The following TRIM72 variants were observed in gnomAD, a reference collection of about 807,000 sequenced individuals.
TRIM72 encodes tripartite motif-containing protein 72.
TRIM72 carries 33 observed loss-of-function variants against 31.6 expected under a neutral mutation model. The observed-to-expected ratio is 1.04, with a 90% CI of 0.79 to 1.40. The LOEUF is 1.40. TRIM72 is among the 40% of genes most tolerant of loss of function. The pLI is 0.00. For synonymous variants in TRIM72, 301 were observed against 314.4 expected, an observed-to-expected ratio of 0.96 and a Z score of 0.45; for missense variants, 666 against 682.7, an observed-to-expected ratio of 0.98 and a Z score of 0.27.
At position 31,224,363 on chromosome 16, in the gene TRIM72, G is replaced by C; in HGVS notation, c.1042G>C (p.Glu348Gln). The C allele has an allele frequency of 6.6e-7, 1 of 1,525,538 alleles. No homozygotes were observed. Among genetic ancestry groups the C allele is most frequent in the African/African-American group, 1.4e-5 (1 of 69,736 alleles). 94.5% of individuals were successfully genotyped at this position (1,525,538 alleles called of 1,614,324 possible). A position where few individuals can be genotyped will look rare whatever the true frequency, so the allele number is the denominator to read the frequency against. Reference sequence around the variant, plus strand: ...GCTCTCCGAGGGCGAGCACTACTGGGAGGTGGATGTTGGCGACAAGCCGCG... The same window carrying C: ...GCTCTCCGAGGGCGAGCACTACTGGCAGGTGGATGTTGGCGACAAGCCGCG... ...QQLSEGEHYW[E>Q]VDVGDKPRWA... The change falls in exon 7 of 7, where the codon GAG (glutamate) becomes CAG (glutamine). Residue 348 changes from glutamate to glutamine, a missense_variant. Glu to Gln is a conservative substitution (Grantham distance 29). Coordinates refer to ENST00000322122, the MANE Select transcript of TRIM72 (RefSeq NM_001008274.4).
intron 5 of TRIM72, 98 bp downstream of exon 5, chr16:31,221,016 C>T (rs1457505304): frequency 2.9e-5 from 43 of 1,467,486 alleles, no homozygotes; most frequent in African/African-American, 8.4e-5. Context: ...CCTGCACACC[C>T]GCAATTCAGT....
chr16:31,219,035 G>T lies in TRIM72; in HGVS notation c.391-60G>T. Reference sequence around the variant, plus strand: ...GAGCCACAGAGGGCAGGTTTAGGATGGGAGGTGTGGGTTTTGGGTGGGTGG... The same window carrying T: ...GAGCCACAGAGGGCAGGTTTAGGATTGGAGGTGTGGGTTTTGGGTGGGTGG... On this transcript the variant is annotated intron_variant, in intron 2 of 6. Coordinates refer to ENST00000322122, the MANE Select transcript of TRIM72 (RefSeq NM_001008274.4). This position sits in a 1 kb window ranked among gnomAD's most constrained non-coding sequence, Gnocchi z 4.2. The T allele has an allele frequency of 6.8e-7, 1 of 1,476,350 alleles. No individual in the cohort carries two copies. The highest frequency in any genetic ancestry group is 9.2e-7 in the Non-Finnish European group (1 of 1,085,926). 91.5% of individuals were successfully genotyped at this position (1,476,350 alleles called of 1,614,324 possible).
chr16:31,217,860 G>A (rs982130697), intron 2 of TRIM72, among the ~76,000 whole-genome samples: 4 of 152,122 alleles, frequency 2.6e-5, no homozygotes, highest in East Asian at 3.9e-4. Context: ...TGATCCACCC[G>A]CCCTGGCCTC....
chr16:31,224,231 G>A lies in TRIM72; in HGVS notation c.910G>A (p.Val304Met). The A allele has an allele frequency of 1.2e-6, 2 of 1,604,966 alleles. No individual in the cohort carries two copies. The highest frequency in any genetic ancestry group is 1.1e-5 in the South Asian group (1 of 91,070). ...DPSSAHPSLV[V>M]SSSGRRVECS... is the part of the protein sequence containing the mutation. ...GAGCTCTGCGCACCCGAGCCTGGTG[G>A]TGTCTTCCTCTGGCCGCCGCGTGGA... Residue 304 changes from valine to methionine, a missense_variant, in exon 7 of 7, where the codon GTG becomes ATG. Coordinates refer to ENST00000322122, the MANE Select transcript of TRIM72 (RefSeq NM_001008274.4).
In TRIM72 at chr16:31,226,684, C is replaced by T. The variant is rs1230649818; in HGVS notation, c.*1929C>T. 6.6e-6 allele frequency: 1 copy of T among 152,384 alleles called. No individual in the cohort carries two copies. The highest frequency in any genetic ancestry group is 1.5e-5 in the Non-Finnish European group (1 of 68,192). 9.4% of individuals were successfully genotyped at this position (152,384 alleles called of 1,614,324 possible). ...TCCCCACTTACTTGCTGGTTCACAC[C>T]TTCTTTGGTTTTAGCGCACAGGGCA... On this transcript the variant is annotated 3_prime_UTR_variant, in exon 7 of 7. Transcript: ENST00000322122.
rs2079510112 is a variant in TRIM72, at chr16:31,216,651, G to C, written c.390+1523G>C. ...AGGTCTGAGGGAGGACCCCAGGAGGGACCCTGAAGGAGGGGAACAGGAAGG... is the reference window on the plus strand; with the variant it reads ...AGGTCTGAGGGAGGACCCCAGGAGGCACCCTGAAGGAGGGGAACAGGAAGG... On this transcript the variant is annotated intron_variant, in intron 2 of 6. Coordinates refer to ENST00000322122, the MANE Select transcript of TRIM72 (RefSeq NM_001008274.4). The surrounding 1 kb of genome is among the most constrained non-coding windows in gnomAD (Gnocchi z 6.7). 2 of 1,351,970 alleles carry C rather than the reference G, an allele frequency of 1.5e-6. No individual in the cohort carries two copies. Among genetic ancestry groups the C allele is most frequent in the Non-Finnish European group, 2.0e-6 (2 of 990,476 alleles). 83.7% of individuals were successfully genotyped at this position (1,351,970 alleles called of 1,614,324 possible).
rs766735832 is a variant in TRIM72 at position 31,219,517 on chromosome 16, A to G, written c.715A>G (p.Met239Val). The G allele has an allele frequency of 3.1e-6, 5 of 1,611,268 alleles. No homozygotes were observed. The Admixed American group carries it at 8.5e-5, about 27-fold the overall frequency. ...VADKPQTEFL[M>V]KYCLVTSRLQ... Reference sequence around the variant, plus strand: ...GGACAAGCCGCAGACTGAGTTCCTCATGGTGAGCACTGGGTGACCCCCCTC... The same window carrying G: ...GGACAAGCCGCAGACTGAGTTCCTCGTGGTGAGCACTGGGTGACCCCCCTC... Residue 239 changes from methionine (M) to valine (V), a missense_variant and splice_region_variant, in exon 4 of 7, where the codon ATG (methionine) becomes GTG (valine). Met to Val is a conservative substitution (Grantham distance 21). Coordinates refer to ENST00000322122, the MANE Select transcript of TRIM72 (RefSeq NM_001008274.4). The surrounding 1 kb of genome is among the most constrained non-coding windows in gnomAD (Gnocchi z 4.2).
rs763017470 is a variant in TRIM72, at chr16:31,228,017, T to C, written c.*3262T>C. The C allele has an allele frequency of 1.3e-5, 2 of 151,702 alleles. No homozygotes were observed. Among genetic ancestry groups the C allele is most frequent in the African/African-American group, 2.4e-5 (1 of 41,192 alleles). 9.4% of individuals were successfully genotyped at this position (151,702 alleles called of 1,614,324 possible). ...CAGGTTAGAGTGCAGTGGTGTGATC[T>C]TGGCTCACTGCAACCTCTGCCTCCC... On this transcript the variant is annotated 3_prime_UTR_variant, in exon 7 of 7. Transcript: ENST00000322122.
chr16:31,215,057 G>A lies in TRIM72; in HGVS notation c.319G>A (p.Val107Met), dbSNP rs1252788789. The A allele has an allele frequency of 6.7e-7, 1 of 1,486,770 alleles. No homozygotes were observed. The highest frequency in any genetic ancestry group is 2.3e-5 in the Admixed American group (1 of 43,600). 92.1% of individuals were successfully genotyped at this position (1,486,770 alleles called of 1,614,324 possible). Reference sequence around the variant, plus strand: ...GCAGGACCGCGCGCTGGTGTGCGGAGTGTGCGCCTCACTCGGCTCGCACCG... The same window carrying A: ...GCAGGACCGCGCGCTGGTGTGCGGAATGTGCGCCTCACTCGGCTCGCACCG... ...CEQDRALVCG[V>M]CASLGSHRGH... The change falls in exon 2 of 7, where the codon GTG (valine) becomes ATG (methionine). Residue 107 changes from valine (V) to methionine (M), a missense_variant. Transcript: ENST00000322122. This position sits in a 1 kb window ranked among gnomAD's most constrained non-coding sequence, Gnocchi z 6.3.
At position 31,219,279 on chromosome 16, in the gene TRIM72, A is replaced by G; in HGVS notation, c.487-10A>G. 6.2e-7 allele frequency: 1 copy of G among 1,614,138 alleles called. No individual in the cohort carries two copies. The highest frequency in any genetic ancestry group is 1.1e-5 in the South Asian group (1 of 91,086). The stretch of plus-strand genomic sequence containing the variant: ...TCTTTATCCCTTCAATCACTGCCCC[A>G]TCCCTGCAGGAGACAGTGCGTCAGT... On this transcript the variant is annotated splice_polypyrimidine_tract_variant and intron_variant, in intron 3 of 6. Coordinates refer to ENST00000322122, the MANE Select transcript of TRIM72 (RefSeq NM_001008274.4). This position sits in a 1 kb window ranked among gnomAD's most constrained non-coding sequence, Gnocchi z 4.2.
At chr16:31,223,019 C>A in intron 6 of TRIM72, 74 bp downstream of exon 6, 2 of 1,155,758 alleles carry the variant, frequency 1.7e-6, no homozygotes, top group South Asian at 2.8e-5. Flanking sequence ...CCTGGAGAGG[C>A]CTCCCAGTCC....
In TRIM72 at chr16:31,227,640, T is replaced by C. The variant is rs2079558745; in HGVS notation, c.*2885T>C. 1 of 152,016 alleles carries C rather than the reference T, an allele frequency of 6.6e-6. No homozygotes were observed. Among genetic ancestry groups the C allele is most frequent in the African/African-American group, 2.4e-5 (1 of 41,364 alleles). The allele number at this position is 152,016 out of a possible 1,614,324, so 9.4% of individuals were successfully genotyped here. A position where few individuals can be genotyped will look rare whatever the true frequency, so the allele number is the denominator to read the frequency against. ...TCTGTTTTTAGTTAAAAAACAATTT[T>C]TTTTTTTGAGACAAGGTCTTGCTCT... On this transcript the variant is annotated 3_prime_UTR_variant, in exon 7 of 7. Coordinates refer to ENST00000322122, the MANE Select transcript of TRIM72 (RefSeq NM_001008274.4).
Position 31,221,802 on chromosome 16 carries a change from G to A in TRIM72, c.740+884G>A, listed in dbSNP as rs540598398. Among the ~76,000 whole-genome samples the A allele has an allele frequency of 8.7e-5, 12 of 138,020 alleles. No homozygotes were observed. The South Asian group carries it at 1.2e-3, about 14-fold the overall frequency. The allele number at this position is 138,020 out of a possible 152,430, so 90.5% of individuals were successfully genotyped here. Reference sequence around the variant, plus strand: ...GGCATTGCTGGGAGAAGGGCATTGCGGGGAGAAGGGTATTGCTGGGAGAAG... The same window carrying A: ...GGCATTGCTGGGAGAAGGGCATTGCAGGGAGAAGGGTATTGCTGGGAGAAG... On this transcript the variant is annotated intron_variant, in intron 5 of 6. Coordinates refer to ENST00000322122, the MANE Select transcript of TRIM72 (RefSeq NM_001008274.4).
intron 6 of TRIM72, 38 bp downstream of exon 6, chr16:31,222,983 G>C: frequency 6.6e-7 from 1 of 1,523,524 alleles, no homozygotes; most frequent in Non-Finnish European, 8.9e-7. Flanking sequence ...TGTGTGACCA[G>C]GCAGTTGATG....
At chr16:31,222,603 T>C (rs2079538955) in intron 5 of TRIM72, among the ~76,000 whole-genome samples, 1 of 151,010 alleles carries the variant, frequency 6.6e-6, no homozygotes, top group South Asian at 2.1e-4. Context: ...TCTACCTCGC[T>C]CATTTTAAGC....
chr16:31,222,856 C>G lies in TRIM72; in HGVS notation c.770C>G (p.Pro257Arg), dbSNP rs780912615. Reference sequence around the variant, plus strand: ...CAGAAGATCCTGGCAGAGTCTCCCCCACCCGCCCGTCTGGACATCCAGCTG... The same window carrying G: ...CAGAAGATCCTGGCAGAGTCTCCCCGACCCGCCCGTCTGGACATCCAGCTG... ...RLQKILAESP[P>R]PARLDIQLPI... Residue 257 changes from proline (P) to arginine (R), a missense_variant, in exon 6 of 7, where the codon CCA becomes CGA. By Grantham distance (103) the Pro-to-Arg change is moderately radical. Transcript: ENST00000322122. 23 of 1,547,066 alleles carry G rather than the reference C, an allele frequency of 1.5e-5. No homozygotes were observed. The highest frequency in any genetic ancestry group is 2.6e-5 in the East Asian group (1 of 37,784).
Position 31,219,387 on chromosome 16 carries a change from G to T in TRIM72, c.585G>T (p.Glu195Asp). 1 of 1,614,130 alleles carries T rather than the reference G, an allele frequency of 6.2e-7. No homozygotes were observed. The highest frequency in any genetic ancestry group is 8.5e-7 in the Non-Finnish European group (1 of 1,180,014). ...ALEGSLDREA[E>D]RVRGEAGVAL... ...AGGGCTCCTTGGACCGCGAGGCAGA[G>T]CGTGTACGGGGTGAGGCAGGGGTCG... Residue 195 changes from glutamate to aspartate, a missense_variant, in exon 4 of 7, where the codon GAG becomes GAT. Coordinates refer to ENST00000322122, the MANE Select transcript of TRIM72 (RefSeq NM_001008274.4). The surrounding 1 kb of genome is among the most constrained non-coding windows in gnomAD (Gnocchi z 4.2).
At position 31,215,734 on chromosome 16, in the gene TRIM72, G is replaced by A. The variant is rs1201980822; in HGVS notation, c.390+606G>A. 7.2e-5 allele frequency among the ~76,000 whole-genome samples: 11 copies of A among 152,216 alleles called. No homozygotes were observed. Among genetic ancestry groups the A allele is most frequent in the Admixed American group, 6.5e-4 (10 of 15,290 alleles). ...AGCCGGGATCTGCACTTATGTGTGCGGGCCCAGGGTGGCACCGAGAGCCCC... is the reference window on the plus strand; with the variant it reads ...AGCCGGGATCTGCACTTATGTGTGCAGGCCCAGGGTGGCACCGAGAGCCCC... On this transcript the variant is annotated intron_variant, in intron 2 of 6. Transcript: ENST00000322122. The surrounding 1 kb of genome is among the most constrained non-coding windows in gnomAD (Gnocchi z 6.3).
chr16:31,220,158 C>T (rs1290633106), intron 4 of TRIM72, among the ~76,000 whole-genome samples: 1 of 151,648 alleles, frequency 6.6e-6, no homozygotes, highest in African/African-American at 2.4e-5. Flanking sequence ...AGCAATCCTC[C>T]AATCTCAGCC....
Sources: allele counts gnomAD v4.1 joint callset (sites outside exome capture counted in the v4.1 genomes callset), GRCh38; gene constraint gnomAD v4.1.1; non-coding constraint Gnocchi (gnomAD v3.1); transcripts MANE v1.5; gene names NCBI Gene and HGNC (gene_info 2026-07-23, HGNC 2026-07-21).